Variants in TRPC1 observed in about 807,000 individuals in gnomAD.
TRPC1 encodes the protein short transient receptor potential channel 1.
A neutral mutation model predicts 88.2 loss-of-function variants in TRPC1; 42 were observed. The observed-to-expected ratio is 0.48, with a 90% CI of 0.37 to 0.62. The LOEUF is 0.62. Among genes scored for constraint, TRPC1 ranks in the 20% least tolerant of loss-of-function variants. TRPC1 has a pLI of 0.00. For missense variants in TRPC1, 699 were observed against 957.3 expected (o/e 0.73, Z 3.56); for synonymous variants, 288 against 331.8 (o/e 0.87, Z 1.43).
intron 7 of TRPC1, among the ~76,000 whole-genome samples, chr3:142,787,340 C>T (rs1358875957): frequency 1.3e-5 from 2 of 152,050 alleles, no homozygotes; most frequent in African/African-American, 4.8e-5. Context: ...GCTTGCTTGC[C>T]TAAATAAAGT....
chr3:142,759,269 TG>T (rs1377136335), intron 4 of TRPC1, among the ~76,000 whole-genome samples: 4 of 152,242 alleles, frequency 2.6e-5, no homozygotes, highest in African/African-American at 9.6e-5. Context: ...TCACAATGGT[TG>T]AACTAGTTTA....
At chr3:142,725,104 G>T (rs1933621537) in intron 1 of TRPC1, among the ~76,000 whole-genome samples, 1 of 152,210 alleles carries the variant, frequency 6.6e-6, no homozygotes, top group Non-Finnish European at 1.5e-5. Context: ...GAGTCGAGAG[G>T]CTAGTTTCCG....
chr3:142,731,620 A>G (rs1933918404), intron 1 of TRPC1, among the ~76,000 whole-genome samples: 1 of 151,442 alleles, frequency 6.6e-6, no homozygotes, highest in African/African-American at 2.4e-5. Flanking sequence ...TCCTGACCTC[A>G]TGATCCGCCT....
At chr3:142,764,792 AT>A in intron 4 of TRPC1, among the ~76,000 whole-genome samples, 1 of 152,150 alleles carries the variant, frequency 6.6e-6, no homozygotes, top group East Asian at 1.9e-4. Context: ...GGATATTTAT[AT>A]CTTTCTCAAG....
intron 4 of TRPC1, among the ~76,000 whole-genome samples, chr3:142,751,083 T>TA (rs1224583262): frequency 1.3e-5 from 2 of 152,080 alleles, no homozygotes; most frequent in Non-Finnish European, 1.5e-5. Flanking sequence ...GTTTACAAAA[T>TA]AAAAAAATTA....
intron 4 of TRPC1, among the ~76,000 whole-genome samples, chr3:142,750,970 A>G (rs542554371): frequency 2.6e-4 from 39 of 152,316 alleles, no homozygotes; most frequent in African/African-American, 9.4e-4. Flanking sequence ...ACAATAGTAA[A>G]AAGCTTATAG....
chr3:142,772,782 A>G (rs981366479), intron 4 of TRPC1, among the ~76,000 whole-genome samples: 6 of 152,084 alleles, frequency 3.9e-5, no homozygotes, highest in African/African-American at 1.4e-4. Flanking sequence ...GTGAGACTCC[A>G]TCTCAAAAAA....
At position 142,724,241 on chromosome 3, in the gene TRPC1, G is replaced by C. The variant is rs561191320; in HGVS notation, c.-319G>C. On this transcript the variant is annotated 5_prime_UTR_variant, in exon 1 of 13. Coordinates refer to ENST00000476941, the MANE Select transcript of TRPC1 (RefSeq NM_001251845.2). The surrounding 1 kb of genome is among the most constrained non-coding windows in gnomAD (Gnocchi z 5.6). ...CGACTCCTGGCACGGCCCCGTGCTC[G>C]GCTGCCGCCCTGGCGCGCGCCACAC... is the stretch of plus-strand genomic sequence containing the variant. 0.011 allele frequency: 1,677 copies of C among 158,248 alleles called. 38 individuals are homozygous for C. The highest frequency in any genetic ancestry group is 0.038 in the African/African-American group (1,598 of 41,688). The allele number at this position is 158,248 out of a possible 1,614,324, so 9.8% of individuals were successfully genotyped here.
chr3:142,750,628 C>T (rs1162471039), intron 4 of TRPC1, among the ~76,000 whole-genome samples: 1 of 152,142 alleles, frequency 6.6e-6, no homozygotes, highest in African/African-American at 2.4e-5. Context: ...ATGTTTATTG[C>T]AGCGCTATTC....
At chr3:142,804,291 A>C in intron 11 of TRPC1, 113 bp downstream of exon 11, 4 of 1,175,888 alleles carry the variant, frequency 3.4e-6, no homozygotes, top group East Asian at 2.7e-5. Context: ...TAGTATTTTT[A>C]AATTAAATAT....
In TRPC1 at chr3:142,755,072, T is replaced by C. The variant is rs146514843; in HGVS notation, c.632+6612T>C. On this transcript the variant is annotated intron_variant, in intron 4 of 12. Coordinates refer to ENST00000476941, the MANE Select transcript of TRPC1 (RefSeq NM_001251845.2). ...TTTTCATTTCTAGAGCTAACCACTG[T>C]TACTAGTTTGGTATTCTACACGTGT... Among the ~76,000 whole-genome samples, 458 of 152,272 alleles carry C rather than the reference T, an allele frequency of 3.0e-3. 1 individual carries two copies. The highest frequency in any genetic ancestry group is 0.011 in the African/African-American group (440 of 41,516).
intron 3 of TRPC1, among the ~76,000 whole-genome samples, chr3:142,744,354 A>T (rs1265516704): frequency 6.6e-6 from 1 of 152,092 alleles, no homozygotes; most frequent in Admixed American, 6.6e-5. Flanking sequence ...TGTCATAAGA[A>T]AGGTGTTCAT....
rs748155519 is a variant in TRPC1, at chr3:142,802,344, C to T, written c.1757C>T (p.Ser586Leu). 1 of 1,388,096 alleles carries T rather than the reference C, an allele frequency of 7.2e-7. No individual in the cohort carries two copies. The highest frequency in any genetic ancestry group is 2.1e-5 in the South Asian group (1 of 47,780). 86.0% of individuals were successfully genotyped at this position (1,388,096 alleles called of 1,614,324 possible). A position where few individuals can be genotyped will look rare whatever the true frequency, so the allele number is the denominator to read the frequency against. ...CEQQSNDTFH[S>L]FIGTCFALFW... ...CAGCAAAGCAATGATACCTTCCATT[C>T]GTGAGTATCTTTTAAATGTTTTAGT... is the stretch of plus-strand genomic sequence containing the variant. The change falls in exon 10 of 13, where the codon TCG becomes TTG. Residue 586 changes from serine to leucine, a missense_variant and splice_region_variant. Transcript: ENST00000476941.
At chr3:142,733,117 G>T (rs60464584) in intron 1 of TRPC1, among the ~76,000 whole-genome samples, 4,426 of 144,202 alleles carry the variant, frequency 0.031, 232 homozygotes, top group African/African-American at 0.11. Context: ...TAGCAGGGTG[G>T]AACCTTTTAT....
chr3:142,739,579 T>C (rs1319429850), intron 2 of TRPC1, among the ~76,000 whole-genome samples: 1 of 152,164 alleles, frequency 6.6e-6, no homozygotes, highest in African/African-American at 2.4e-5. Context: ...GAAAAATAAT[T>C]AAAACAAAAT....
chr3:142,741,378 CCTTA>C (rs1934339802), intron 2 of TRPC1, among the ~76,000 whole-genome samples: 1 of 151,786 alleles, frequency 6.6e-6, no homozygotes, highest in Non-Finnish European at 1.5e-5. Context: ...AATCTTTATT[CCTTA>C]CTAAGTAATG....
chr3:142,804,524 A>G lies in TRPC1; in HGVS notation c.2048A>G (p.Asn683Ser), dbSNP rs906040222. The change falls in exon 12 of 13, where the codon AAC (asparagine) becomes AGC (serine). Residue 683 changes from asparagine (N) to serine (S), a missense_variant. Coordinates refer to ENST00000476941, the MANE Select transcript of TRPC1 (RefSeq NM_001251845.2). ...DDKCTLPPPF[N>S]IIPSPKTICY... The stretch of plus-strand genomic sequence containing the variant: ...AAATGTACGTTACCTCCACCTTTCA[A>G]CATCATTCCCTCACCAAAGACTATC... 3.1e-6 allele frequency: 5 copies of G among 1,613,868 alleles called. No homozygotes were observed. Among genetic ancestry groups the G allele is most frequent in the Middle Eastern group, 1.7e-4 (1 of 6,054 alleles).
Position 142,804,124 on chromosome 3 carries a change from T to G in TRPC1, c.1905T>G (p.Ile635Met). 1 of 1,613,946 alleles carries G rather than the reference T, an allele frequency of 6.2e-7. No homozygotes were observed. The highest frequency in any genetic ancestry group is 8.5e-7 in the Non-Finnish European group (1 of 1,179,902). Residue 635 changes from isoleucine (I) to methionine (M), a missense_variant, in exon 11 of 13, where the codon ATT becomes ATG. Ile to Met is a conservative substitution (Grantham distance 10). Coordinates refer to ENST00000476941, the MANE Select transcript of TRPC1 (RefSeq NM_001251845.2). ...IVGTYNVVVV[I>M]VLTKLLVAML... ...GTACATACAATGTCGTGGTTGTGATTGTGCTTACCAAACTGCTGGTGGCAA... is the reference window on the plus strand; with the variant it reads ...GTACATACAATGTCGTGGTTGTGATGGTGCTTACCAAACTGCTGGTGGCAA...
rs202232627 is a variant in TRPC1, at chr3:142,805,119, AAT to A, written c.2154+499_2154+500del. Among the ~76,000 whole-genome samples, 406 of 96,006 alleles carry A rather than the reference AAT, an allele frequency of 4.2e-3. 2 individuals carry two copies. The highest frequency in any genetic ancestry group is 0.014 in the African/African-American group (304 of 21,900). The allele number at this position is 96,006 out of a possible 152,430, so 63.0% of individuals were successfully genotyped here. The stretch of plus-strand genomic sequence containing the variant: ...CCACCTCAGAACAAACAAACAAACA[AAT>A]ATATATATACACACACACACACACA... On this transcript the variant is annotated intron_variant, in intron 12 of 12. Transcript: ENST00000476941.
Sources: allele counts gnomAD v4.1 joint callset (sites outside exome capture counted in the v4.1 genomes callset), GRCh38; gene constraint gnomAD v4.1.1; non-coding constraint Gnocchi (gnomAD v3.1); transcripts MANE v1.5; gene names NCBI Gene and HGNC (gene_info 2026-07-23, HGNC 2026-07-21).